KIAA1549: variants seen among roughly 807,000 people sequenced by gnomAD.
The protein encoded by KIAA1549 is UPF0606 protein KIAA1549.
In KIAA1549, 70 loss-of-function variants were observed where a neutral mutation model predicts 156.4. The ratio of observed to expected loss-of-function variants is 0.45; its 90% CI spans 0.37 to 0.55. KIAA1549 has a LOEUF of 0.55. Among genes scored for constraint, KIAA1549 ranks in the 20% least tolerant of loss-of-function variants. The pLI is 0.00. For synonymous variants in KIAA1549, 1,103 were observed against 1,066.4 expected (o/e 1.03, Z -0.67); for missense variants, 2,428 against 2,540.9 (o/e 0.96, Z 0.96).
intron 1 of KIAA1549, among the ~76,000 whole-genome samples, chr7:138,937,307 C>G (rs1813044334): frequency 6.6e-6 from 1 of 152,166 alleles, no homozygotes; most frequent in South Asian, 2.1e-4. Context: ...CTCACCTGCC[C>G]CACCACCCTA....
rs762868664 is a variant in KIAA1549 at position 138,835,596 on chromosome 7, G to A, written c.*2310C>T. ...TGGGTGAGAAGGGGCCATTTATCCC[G>A]TTTGCTGTCACACGATTTGAATTCA... On this transcript the variant is annotated 3_prime_UTR_variant, in exon 20 of 20. Transcript: ENST00000422774. 1.2e-4 allele frequency: 26 copies of A among 223,446 alleles called. No individual in the cohort carries two copies. The East Asian group carries it at 1.5e-3, about 13-fold the overall frequency. 13.8% of individuals were successfully genotyped at this position (223,446 alleles called of 1,614,324 possible).
chr7:138,929,946 C>T (rs1447600907), intron 1 of KIAA1549, among the ~76,000 whole-genome samples: 7 of 152,184 alleles, frequency 4.6e-5, no homozygotes, highest in Non-Finnish European at 8.8e-5. Context: ...CCTCCTGCCT[C>T]GGCCTCCCAA....
intron 11 of KIAA1549, 135 bp downstream of exon 11, chr7:138,881,253 G>C: frequency 1.2e-6 from 1 of 800,494 alleles, no homozygotes; most frequent in South Asian, 2.2e-5. Context: ...GTGTGACTTT[G>C]GGCAAGTCAT....
At position 138,918,763 on chromosome 7, in the gene KIAA1549, A is replaced by G. The variant is rs1314686606; in HGVS notation, c.863T>C (p.Leu288Ser). ...GCCGTCGCCTAACGGCTGTGGCATT[A>G]AAGACCGGGAGCTTAAAAAAAGGGT... ...ETTLFLSSRS[L>S]MPQPLGDGIT... The change falls in exon 2 of 20, where the codon TTA becomes TCA. Residue 288 changes from leucine to serine, a missense_variant. Physicochemically the swap from Leu to Ser is moderately radical, Grantham distance 145. Around this residue, in one of 5 missense-constraint regions of KIAA1549, gnomAD observed 893 missense variants for 847.9 expected, o/e 1.05. Coordinates refer to ENST00000422774, the MANE Select transcript of KIAA1549 (RefSeq NM_001164665.2). This position sits in a 1 kb window ranked among gnomAD's most constrained non-coding sequence, Gnocchi z 4.2. 6.2e-7 allele frequency: 1 copy of G among 1,613,908 alleles called. No individual in the cohort carries two copies. Among genetic ancestry groups the G allele is most frequent in the South Asian group, 1.1e-5 (1 of 91,074 alleles).
chr7:138,834,201 C>T lies in KIAA1549; in HGVS notation c.*3705G>A, dbSNP rs1052074407. ...TTGAGACACAGTCTTGCTCTGTCGCCCAGGTTGGAGTACAGTGGTGCAATC... is the reference window on the plus strand; with the variant it reads ...TTGAGACACAGTCTTGCTCTGTCGCTCAGGTTGGAGTACAGTGGTGCAATC... On this transcript the variant is annotated 3_prime_UTR_variant, in exon 20 of 20. Transcript: ENST00000422774. The T allele has an allele frequency of 2.6e-5, 5 of 192,640 alleles. No individual in the cohort carries two copies. Among genetic ancestry groups the T allele is most frequent in the Admixed American group, 1.2e-4 (2 of 16,392 alleles). The allele number at this position is 192,640 out of a possible 1,614,324, so 11.9% of individuals were successfully genotyped here.
chr7:138,914,727 A>T (rs1353615224), intron 2 of KIAA1549, among the ~76,000 whole-genome samples: 5 of 152,162 alleles, frequency 3.3e-5, no homozygotes, highest in Non-Finnish European at 7.3e-5. Context: ...CAGCATGGAC[A>T]CTCACACACA....
At position 138,980,010 on chromosome 7, in the gene KIAA1549, T is replaced by G. The variant is rs190912738; in HGVS notation, c.187+1073A>C. ...ACCATCCCCTCTAGGGCACTGGTTA[T>G]AATTCTCACAGGTCCAAGGGACACC... On this transcript the variant is annotated intron_variant, in intron 1 of 19. Coordinates refer to ENST00000422774, the MANE Select transcript of KIAA1549 (RefSeq NM_001164665.2). 3.3e-4 allele frequency among the ~76,000 whole-genome samples: 51 copies of G among 152,342 alleles called. 1 individual carries two copies. The East Asian group carries it at 3.9e-3, about 12-fold the overall frequency.
At chr7:138,957,001 CA>C (rs971650289) in intron 1 of KIAA1549, among the ~76,000 whole-genome samples, 6 of 152,160 alleles carry the variant, frequency 3.9e-5, no homozygotes, top group African/African-American at 1.4e-4. Flanking sequence ...TAGGGACGCA[CA>C]GGGGCAATGA....
chr7:138,840,341 G>A (rs1809877899), intron 18 of KIAA1549, 63 bp from the exon 19 acceptor site: 1 of 1,457,746 alleles, frequency 6.9e-7, no homozygotes, highest in Non-Finnish European at 9.4e-7. Context: ...TGCTGAGGAT[G>A]GCTGCCGAGG....
chr7:138,840,318 A>C (rs756457732), intron 18 of KIAA1549, 40 bp from the exon 19 acceptor site: 2 of 1,579,710 alleles, frequency 1.3e-6, no homozygotes, highest in African/African-American at 2.7e-5. Context: ...CAACATTTAT[A>C]GGAGAGTATG....
At chr7:138,885,560 T>C (rs980650568) in intron 10 of KIAA1549, among the ~76,000 whole-genome samples, 1 of 152,194 alleles carries the variant, frequency 6.6e-6, no homozygotes, top group Non-Finnish European at 1.5e-5. Flanking sequence ...CCCACAACGA[T>C]GGCCCCAGCC....
intron 1 of KIAA1549, among the ~76,000 whole-genome samples, chr7:138,978,628 A>C (rs748230305): frequency 6.6e-6 from 1 of 152,258 alleles, no homozygotes; most frequent in Non-Finnish European, 1.5e-5. Context: ...AAGAGAAGCC[A>C]GCTGAAGGAG....
chr7:138,938,203 G>A (rs529024406), intron 1 of KIAA1549, among the ~76,000 whole-genome samples: 5 of 152,226 alleles, frequency 3.3e-5, no homozygotes, highest in East Asian at 1.9e-4. Flanking sequence ...ACCAGAAACC[G>A]AGCCTGCTAT....
intron 1 of KIAA1549, among the ~76,000 whole-genome samples, chr7:138,962,554 T>C (rs1254932787): frequency 6.6e-6 from 1 of 152,132 alleles, no homozygotes; most frequent in Non-Finnish European, 1.5e-5. Flanking sequence ...GAAGTCCTAC[T>C]ATAAGAAGTC....
intron 16 of KIAA1549, among the ~76,000 whole-genome samples, chr7:138,854,834 T>C (rs965957099): frequency 1.3e-5 from 2 of 152,144 alleles, no homozygotes; most frequent in African/African-American, 4.8e-5. Flanking sequence ...GAATCCTGGA[T>C]CTGCAACACC....
At chr7:138,860,173 T>C (rs767179706) in intron 16 of KIAA1549, among the ~76,000 whole-genome samples, 3 of 152,248 alleles carry the variant, frequency 2.0e-5, no homozygotes, top group South Asian at 2.1e-4. Flanking sequence ...ATTTTGAAGA[T>C]AGTTGTTGGA....
At chr7:138,944,189 T>G (rs1813277169) in intron 1 of KIAA1549, among the ~76,000 whole-genome samples, 1 of 151,990 alleles carries the variant, frequency 6.6e-6, no homozygotes, top group Admixed American at 6.6e-5. Flanking sequence ...TGCTCCTAAG[T>G]GAAATTTTAC....
intron 15 of KIAA1549, among the ~76,000 whole-genome samples, chr7:138,865,991 G>A (rs539253868): frequency 1.5e-4 from 23 of 152,188 alleles, no homozygotes; most frequent in Middle Eastern, 3.4e-3. Flanking sequence ...CAAAAGCTCC[G>A]GGTGACAACC....
At chr7:138,978,359 G>A (rs1372975503) in intron 1 of KIAA1549, among the ~76,000 whole-genome samples, 1 of 152,102 alleles carries the variant, frequency 6.6e-6, no homozygotes, top group Non-Finnish European at 1.5e-5. Flanking sequence ...AAGAAACTGG[G>A]CATGATTCTT....
Sources: allele counts gnomAD v4.1 joint callset (sites outside exome capture counted in the v4.1 genomes callset), GRCh38; gene constraint gnomAD v4.1.1; regional missense constraint gnomAD v4.1.1; non-coding constraint Gnocchi (gnomAD v3.1); transcripts MANE v1.5; gene names NCBI Gene and HGNC (gene_info 2026-07-23, HGNC 2026-07-21).